SLC22A24: variants seen among roughly 807,000 people sequenced by gnomAD.
The protein encoded by SLC22A24 is steroid transmembrane transporter SLC22A24.
Under a neutral mutation model 49.8 loss-of-function variants are expected in SLC22A24, and 53 were observed. The observed-to-expected ratio is 1.06, with a 90% CI of 0.85 to 1.34. SLC22A24 has a LOEUF of 1.34. SLC22A24 is among the 40% of genes most tolerant of loss of function. SLC22A24 has a pLI of 0.00. For synonymous variants in SLC22A24, 302 were observed against 256.4 expected (o/e 1.18, Z -1.70); for missense variants, 786 against 675.9 (o/e 1.16, Z -1.81).
In SLC22A24 at chr11:63,080,958, A is replaced by T; in HGVS notation, c.1560T>A (p.Asp520Glu). The T allele has an allele frequency of 6.4e-7, 1 of 1,552,522 alleles. No individual in the cohort carries two copies. The highest frequency in any genetic ancestry group is 8.7e-7 in the Non-Finnish European group (1 of 1,147,532). ...CCTGGATGGTGTTAGGAAGAGGTAG[A>T]TCCCTGGTTTCTGGAAGGAGGAGGA... is the stretch of plus-strand genomic sequence containing the variant. ...PVILLLPETRDLPLPNTIQDV... is the reference protein window; with the variant it reads ...PVILLLPETRELPLPNTIQDV... The change falls in exon 9 of 10, where the codon GAT (aspartate) becomes GAA (glutamate). Residue 520 changes from aspartate (D) to glutamate (E), a missense_variant. Coordinates refer to ENST00000612278, the MANE Select transcript of SLC22A24 (RefSeq NM_001136506.2).
chr11:63,097,964 A>C (rs895263275), intron 5 of SLC22A24, among the ~76,000 whole-genome samples: 1 of 152,142 alleles, frequency 6.6e-6, no homozygotes, highest in African/African-American at 2.4e-5. Flanking sequence ...CAAATACCTA[A>C]TGCATGTGAA....
Position 63,112,334 on chromosome 11 carries a change from G to C in SLC22A24, c.830+6578C>G, listed in dbSNP as rs183987979. ...AAGAAAATGTATATCCTGTTGATTTGGGGTAGAGAGTTCTGTAGATGTCTA... is the reference window on the plus strand; with the variant it reads ...AAGAAAATGTATATCCTGTTGATTTCGGGTAGAGAGTTCTGTAGATGTCTA... On this transcript the variant is annotated intron_variant, in intron 4 of 9. Coordinates refer to ENST00000612278, the MANE Select transcript of SLC22A24 (RefSeq NM_001136506.2). Among the ~76,000 whole-genome samples the C allele has an allele frequency of 2.0e-5, 3 of 152,280 alleles. No individual in the cohort carries two copies. The East Asian group carries it at 5.8e-4, about 29-fold the overall frequency.
intron 6 of SLC22A24, among the ~76,000 whole-genome samples, chr11:63,095,063 A>G (rs931007504): frequency 7.2e-5 from 11 of 152,158 alleles, no homozygotes; most frequent in Non-Finnish European, 1.2e-4. Context: ...GCCCATGCGT[A>G]TGTCCTGAAT....
At chr11:63,107,494 T>G (rs2087129480) in intron 4 of SLC22A24, among the ~76,000 whole-genome samples, 1 of 152,202 alleles carries the variant, frequency 6.6e-6, no homozygotes, top group Non-Finnish European at 1.5e-5. Context: ...TTGATGGGGA[T>G]GGCATTGAAT....
At chr11:63,100,137 T>C (rs72918266) in intron 5 of SLC22A24, among the ~76,000 whole-genome samples, 2,108 of 152,302 alleles carry the variant, frequency 0.014, 22 homozygotes, top group Middle Eastern at 0.037. Context: ...AGTTAAATTA[T>C]CTTTGTTTAC....
At position 63,080,938 on chromosome 11, in the gene SLC22A24, A is replaced by T; in HGVS notation, c.1580T>A (p.Ile527Asn). The T allele has an allele frequency of 1.9e-6, 3 of 1,551,888 alleles. No homozygotes were observed. Among genetic ancestry groups the T allele is most frequent in the Non-Finnish European group, 8.7e-7 (1 of 1,147,232 alleles). ...TACTCACTCATTTTCCACATCCTGG[A>T]TGGTGTTAGGAAGAGGTAGATCCCT... is the stretch of plus-strand genomic sequence containing the variant. ...ETRDLPLPNTIQDVENDRKDS... is the reference protein window; with the variant it reads ...ETRDLPLPNTNQDVENDRKDS... The change falls in exon 9 of 10, where the codon ATC becomes AAC. Residue 527 changes from isoleucine (I) to asparagine (N), a missense_variant. Transcript: ENST00000612278.
intron 6 of SLC22A24, among the ~76,000 whole-genome samples, chr11:63,085,770 T>G (rs1391752511): frequency 6.6e-6 from 1 of 152,234 alleles, no homozygotes; most frequent in Non-Finnish European, 1.5e-5. Context: ...ATGGTGACAA[T>G]GATGACGATG....
chr11:63,084,436 G>A (rs953444570), intron 6 of SLC22A24, among the ~76,000 whole-genome samples: 1 of 152,122 alleles, frequency 6.6e-6, no homozygotes, highest in Non-Finnish European at 1.5e-5. Context: ...GAGTGTTGGG[G>A]TGGGGAAGGC....
chr11:63,084,335 C>T (rs2086975623), intron 6 of SLC22A24, among the ~76,000 whole-genome samples: 1 of 151,954 alleles, frequency 6.6e-6, no homozygotes, highest in Non-Finnish European at 1.5e-5. Context: ...GGTAGGGATG[C>T]CTGTATTTGC....
chr11:63,130,239 G>A (rs1393312577), intron 2 of SLC22A24, among the ~76,000 whole-genome samples: 1 of 152,122 alleles, frequency 6.6e-6, no homozygotes, highest in Non-Finnish European at 1.5e-5. Flanking sequence ...ATAATCATGT[G>A]GTTTTTGTCA....
chr11:63,085,268 G>T, intron 6 of SLC22A24, among the ~76,000 whole-genome samples: 1 of 152,100 alleles, frequency 6.6e-6, no homozygotes, highest in East Asian at 1.9e-4. Context: ...AACGTATAAT[G>T]AAAGTCTTGG....
At chr11:63,102,269 G>T (rs2087095865) in intron 5 of SLC22A24, among the ~76,000 whole-genome samples, 2 of 151,996 alleles carry the variant, frequency 1.3e-5, no homozygotes, top group Non-Finnish European at 2.9e-5. Context: ...AAATGGCTTT[G>T]GAATACTGTT....
intron 4 of SLC22A24, among the ~76,000 whole-genome samples, chr11:63,109,504 A>G (rs2087146817): frequency 1.6e-4 from 22 of 140,130 alleles, no homozygotes; most frequent in South Asian, 2.6e-4. Flanking sequence ...CCTCTCCAGC[A>G]CCTGTTGTTT....
At chr11:63,088,951 G>C (rs1305990639) in intron 6 of SLC22A24, among the ~76,000 whole-genome samples, 1 of 152,068 alleles carries the variant, frequency 6.6e-6, no homozygotes, top group East Asian at 1.9e-4. Flanking sequence ...ACGATAAATT[G>C]GTGTCCCTGA....
chr11:63,083,562 C>T, intron 6 of SLC22A24, 105 bp from the exon 7 acceptor site: 1 of 884,592 alleles, frequency 1.1e-6, no homozygotes. Context: ...ATAATATTGA[C>T]CCAATTGGCA....
Position 63,083,236 on chromosome 11 carries a change from C to T in SLC22A24, c.1285+7G>A. On this transcript the variant is annotated splice_region_variant and intron_variant, in intron 7 of 9. Coordinates refer to ENST00000612278, the MANE Select transcript of SLC22A24 (RefSeq NM_001136506.2). ...ACTTTCTTTCCTGAAACTCCTGTCT[C>T]TCTCACCTTGGGGCAAAAAGGTGTT... 1.3e-6 allele frequency: 2 copies of T among 1,551,252 alleles called. No individual in the cohort carries two copies. Among genetic ancestry groups the T allele is most frequent in the South Asian group, 1.2e-5 (1 of 83,992 alleles).
intron 4 of SLC22A24, chr11:63,116,255 T>C (rs2087212340): frequency 6.2e-6 from 2 of 320,226 alleles, no homozygotes; most frequent in Non-Finnish European, 1.2e-5. Flanking sequence ...GAGATTCATA[T>C]CTTTGTGATC....
intron 4 of SLC22A24, among the ~76,000 whole-genome samples, chr11:63,108,443 A>T (rs1388130296): frequency 6.6e-6 from 1 of 152,154 alleles, no homozygotes; most frequent in Non-Finnish European, 1.5e-5. Flanking sequence ...GTTGCTGGCC[A>T]CATGAAATGA....
intron 4 of SLC22A24, among the ~76,000 whole-genome samples, chr11:63,116,820 C>T (rs2087216080): frequency 6.6e-6 from 1 of 152,126 alleles, no homozygotes; most frequent in South Asian, 2.1e-4. Flanking sequence ...ACACTGTCTT[C>T]AAATTTACTG....
Sources: allele counts gnomAD v4.1 joint callset (sites outside exome capture counted in the v4.1 genomes callset), GRCh38; gene constraint gnomAD v4.1.1; transcripts MANE v1.5; gene names NCBI Gene and HGNC (gene_info 2026-07-23, HGNC 2026-07-21).